ASRGL1: variants seen among roughly 807,000 people sequenced by gnomAD.
ASRGL1 encodes the protein asparaginase and isoaspartyl peptidase 1.
A neutral mutation model predicts 22.4 loss-of-function variants in ASRGL1; 16 were observed. That is an observed-to-expected ratio of 0.71 (90% CI 0.48 to 1.08). ASRGL1 has a LOEUF of 1.08. ASRGL1 is among the 50% of genes least tolerant of loss of function. The probability of loss-of-function intolerance (pLI) is 0.00; values close to 1 mark genes in which losing one functional copy is unlikely to be tolerated. For synonymous variants in ASRGL1, 165 were observed against 159.3 expected (o/e 1.04, Z -0.27); for missense variants, 412 against 410.1 (o/e 1.00, Z -0.04).
Position 62,337,929 on chromosome 11 carries a change from C to T in ASRGL1, c.-49C>T, listed in dbSNP as rs1945763349. The stretch of plus-strand genomic sequence containing the variant: ...CTTGTACCCGCGCGGCTTCCTTGGG[C>T]TGGCTTTGGACGACGCTTTCGCCTT... On this transcript the variant is annotated 5_prime_UTR_variant, in exon 2 of 7. Coordinates refer to ENST00000415229, the MANE Select transcript of ASRGL1 (RefSeq NM_001083926.2). 1 of 1,548,876 alleles carries T rather than the reference C, an allele frequency of 6.5e-7. No homozygotes were observed. The highest frequency in any genetic ancestry group is 2.4e-5 in the East Asian group (1 of 42,066).
chr11:62,373,690 T>C (rs1346971466), intron 4 of ASRGL1, among the ~76,000 whole-genome samples: 2 of 152,252 alleles, frequency 1.3e-5, no homozygotes, highest in Non-Finnish European at 2.9e-5. Flanking sequence ...CTTTCCCGCT[T>C]TTTCTTGCAG....
At chr11:62,378,644 C>T (rs1306456148) in intron 4 of ASRGL1, among the ~76,000 whole-genome samples, 3 of 152,158 alleles carry the variant, frequency 2.0e-5, no homozygotes, top group African/African-American at 4.8e-5. Flanking sequence ...TGAATTACGG[C>T]ATTTACGGCT....
intron 4 of ASRGL1, among the ~76,000 whole-genome samples, chr11:62,361,667 T>C (rs911473133): frequency 2.0e-5 from 3 of 151,816 alleles, no homozygotes; most frequent in South Asian, 2.1e-4. Flanking sequence ...TTTGTATTTT[T>C]AGTAGAGAGG....
chr11:62,396,560 C>T (rs961777740), downstream of ASRGL1, among the ~76,000 whole-genome samples: 10 of 152,262 alleles, frequency 6.6e-5, no homozygotes, highest in Middle Eastern at 3.4e-3. Flanking sequence ...TCAAATCCTC[C>T]GGCTCTCACC....
downstream of ASRGL1, among the ~76,000 whole-genome samples, chr11:62,396,936 A>G (rs973268573): frequency 6.6e-6 from 1 of 152,196 alleles, no homozygotes; most frequent in Non-Finnish European, 1.5e-5. Context: ...CTATCTCTGT[A>G]ATACTGAGGC....
chr11:62,394,535 A>G (rs1947407966), downstream of ASRGL1, among the ~76,000 whole-genome samples: 1 of 151,726 alleles, frequency 6.6e-6, no homozygotes, highest in South Asian at 2.1e-4. Context: ...AAACAGAATC[A>G]TGTTGGGGTT....
chr11:62,389,108 CT>C (rs761798190), intron 4 of ASRGL1, 24 bp from the exon 5 acceptor site: 22 of 1,583,138 alleles, frequency 1.4e-5, no homozygotes, highest in East Asian at 2.2e-5. Flanking sequence ...CAGCCTGTCA[CT>C]TTTTTTCTGT....
At chr11:62,368,956 A>T (rs1429207712) in intron 4 of ASRGL1, among the ~76,000 whole-genome samples, 1 of 152,186 alleles carries the variant, frequency 6.6e-6, no homozygotes, top group African/African-American at 2.4e-5. Context: ...AGGGATGAGC[A>T]GGAGACAGAT....
intron 2 of ASRGL1, among the ~76,000 whole-genome samples, chr11:62,341,219 G>T (rs1309156765): frequency 8.5e-4 from 114 of 134,326 alleles, no homozygotes; most frequent in African/African-American, 3.0e-3. Flanking sequence ...TTTTTTTTGA[G>T]ACTGAGTCTC....
At chr11:62,359,527 A>C (rs534889253) in intron 4 of ASRGL1, among the ~76,000 whole-genome samples, 1 of 152,316 alleles carries the variant, frequency 6.6e-6, no homozygotes, top group African/African-American at 2.4e-5. Flanking sequence ...GCATATAAGA[A>C]ATTATAAGAT....
intron 5 of ASRGL1, among the ~76,000 whole-genome samples, chr11:62,390,854 G>T (rs114546749): frequency 0.018 from 2,674 of 152,246 alleles, 85 homozygotes; most frequent in African/African-American, 0.061. Context: ...GGGTAAAGGC[G>T]AATCCTTCCA....
At chr11:62,365,608 G>A (rs7105843) in intron 4 of ASRGL1, among the ~76,000 whole-genome samples, 34,728 of 151,942 alleles carry the variant, frequency 0.23, 4,212 homozygotes, top group East Asian at 0.34. Context: ...CCAGCACTTT[G>A]GGAGGCCAAG....
At chr11:62,400,548 C>T in the ASRGL1 span, among the ~76,000 whole-genome samples, 2 of 152,308 alleles carry the variant, frequency 1.3e-5, no homozygotes, top group East Asian at 3.9e-4. Flanking sequence ...GGGCACTGGG[C>T]AGAACCCCAA....
At chr11:62,391,444 T>C (rs1947333973) in intron 5 of ASRGL1, 78 bp from the exon 6 acceptor site, 2 of 1,516,670 alleles carry the variant, frequency 1.3e-6, no homozygotes, top group Non-Finnish European at 8.9e-7. Flanking sequence ...GATTTAACTT[T>C]CATGTAGCGT....
rs1946317233 is a variant in ASRGL1 at position 62,357,087 on chromosome 11, A to G, written c.434A>G (p.Lys145Arg). 10 of 1,614,054 alleles carry G rather than the reference A, an allele frequency of 6.2e-6. No individual in the cohort carries two copies. Among genetic ancestry groups the G allele is most frequent in the African/African-American group, 1.3e-5 (1 of 74,930 alleles). ...PGEKLVTERN[K>R]KRLEKEKHEK... ...GAAAAACTGGTGACAGAGAGAAACA[A>G]AAAGCGCCTGGAAAAAGAGAAGCAT... The change falls in exon 4 of 7, where the codon AAA becomes AGA. Residue 145 changes from lysine to arginine, a missense_variant. Physicochemically the swap from Lys to Arg is conservative, Grantham distance 26. Coordinates refer to ENST00000415229, the MANE Select transcript of ASRGL1 (RefSeq NM_001083926.2).
chr11:62,364,349 AAG>A (rs1445140393), intron 4 of ASRGL1, among the ~76,000 whole-genome samples: 3 of 152,142 alleles, frequency 2.0e-5, no homozygotes, highest in Non-Finnish European at 4.4e-5. Context: ...AATAATAACT[AAG>A]TTAAGTCGTC....
chr11:62,351,975 G>T (rs1342215309), intron 2 of ASRGL1, among the ~76,000 whole-genome samples: 4 of 152,124 alleles, frequency 2.6e-5, no homozygotes, highest in Admixed American at 6.6e-5. Context: ...ACCCAGCCAA[G>T]AACTTCTTTT....
Position 62,359,017 on chromosome 11 carries a change from T to C in ASRGL1, c.491+1873T>C, listed in dbSNP as rs76825688. Among the ~76,000 whole-genome samples the C allele has an allele frequency of 9.9e-3, 1,515 of 152,330 alleles. 29 individuals are homozygous for C. The highest frequency in any genetic ancestry group is 0.032 in the African/African-American group (1,326 of 41,562). On this transcript the variant is annotated intron_variant, in intron 4 of 6. Transcript: ENST00000415229. ...TGGAATATTTAGTTCTGAAGATTGT[T>C]ACAGAGAGGGTTCTGTGGTGTAATG...
chr11:62,390,900 A>G (rs1045688086), intron 5 of ASRGL1, among the ~76,000 whole-genome samples: 2 of 152,228 alleles, frequency 1.3e-5, no homozygotes, highest in African/African-American at 4.8e-5. Flanking sequence ...GCTGTGTGTG[A>G]ACAGATACAA....
Sources: gnomAD v4.1 joint callset for allele counts (sites outside exome capture counted in the v4.1 genomes callset) on GRCh38, gnomAD v4.1.1 for gene constraint, MANE v1.5 for transcripts, NCBI Gene and HGNC (gene_info 2026-07-23, HGNC 2026-07-21) for gene names.